The following CD8B2 variants were observed in gnomAD, a reference collection of about 807,000 sequenced individuals.
The protein encoded by CD8B2 is T-cell surface glycoprotein CD8 beta-2 chain.
Under a neutral mutation model 23.7 loss-of-function variants are expected in CD8B2, and 11 were observed. That is an observed-to-expected ratio of 0.46 (90% CI 0.29 to 0.77). CD8B2 has a LOEUF of 0.77. Ranked by LOEUF, CD8B2 falls within the 30% of genes least tolerant of loss-of-function variation. CD8B2 has a pLI of 0.09. For missense variants in CD8B2, 197 were observed against 270.5 expected (o/e 0.73, Z 1.91); for synonymous variants, 90 against 109.3 (o/e 0.82, Z 1.10).
At chr2:106,533,403 T>C (rs1303136245) in intron 5 of CD8B2, among the ~76,000 whole-genome samples, 3 of 152,202 alleles carry the variant, frequency 2.0e-5, no homozygotes, top group Non-Finnish European at 4.4e-5. Flanking sequence ...TTAAAAGCAG[T>C]TGAGTTCACA....
At chr2:106,492,355 A>G (rs1038939193) in intron 2 of CD8B2, among the ~76,000 whole-genome samples, 6 of 152,228 alleles carry the variant, frequency 3.9e-5, no homozygotes, top group African/African-American at 1.4e-4. Flanking sequence ...AATTAATTTA[A>G]ATAATGTTAT....
chr2:106,527,805 A>AC (rs1428715472), intron 5 of CD8B2, among the ~76,000 whole-genome samples: 6 of 59,462 alleles, frequency 1.0e-4, no homozygotes, highest in African/African-American at 2.5e-4. Context: ...AAACAAAACA[A>AC]AAAACAAACA....
intron 1 of CD8B2, among the ~76,000 whole-genome samples, chr2:106,488,905 A>T (rs974674037): frequency 1.3e-5 from 2 of 152,088 alleles, no homozygotes; most frequent in African/African-American, 4.8e-5. Context: ...CTCTGCTGGA[A>T]CGGCAGTGTG....
At chr2:106,490,271 CTTGAGT>C (rs548241962) in intron 1 of CD8B2, among the ~76,000 whole-genome samples, 1 of 152,192 alleles carries the variant, frequency 6.6e-6, no homozygotes, top group East Asian at 1.9e-4. Context: ...ACTTCAAATC[CTTGAGT>C]TTGACTCCTA....
rs2104561823 is a variant in CD8B2 at position 106,509,049 on chromosome 2, GCCTTAGATGCCCTGCC to G, written c.*2112_*2127del. 1.3e-5 allele frequency: 2 copies of G among 151,134 alleles called. No individual in the cohort carries two copies. The highest frequency in any genetic ancestry group is 2.0e-4 in the East Asian group (1 of 5,092). The allele number at this position is 151,134 out of a possible 1,614,324, so 9.4% of individuals were successfully genotyped here. The stretch of plus-strand genomic sequence containing the variant: ...TTTCTCCTTCATTCAGCACGAATTG[GCCTTAGATGCCCTGCC>G]CCCAGACCCAGGTGTTTTCCATTTG... On this transcript the variant is annotated 3_prime_UTR_variant, in exon 6 of 6. Transcript: ENST00000643224.
chr2:106,542,107 C>A (rs909351874), intron 5 of CD8B2, among the ~76,000 whole-genome samples: 8 of 152,250 alleles, frequency 5.3e-5, no homozygotes, highest in African/African-American at 1.9e-4. Context: ...CTGGTCAATT[C>A]TTACTTAACC....
intron 5 of CD8B2, among the ~76,000 whole-genome samples, chr2:106,517,916 G>A (rs1679757161): frequency 6.6e-6 from 1 of 151,974 alleles, no homozygotes; most frequent in Non-Finnish European, 1.5e-5. Context: ...GGGTTTCACC[G>A]TGTTAGCCAG....
intron 5 of CD8B2, among the ~76,000 whole-genome samples, chr2:106,518,465 GGAAGAT>G (rs1186998397): frequency 6.6e-6 from 1 of 152,118 alleles, no homozygotes; most frequent in Non-Finnish European, 1.5e-5. Flanking sequence ...TCTGAGCCCT[GGAAGAT>G]GAACTTTCTT....
chr2:106,543,208 G>A (rs1273037026), intron 5 of CD8B2: 1 of 152,200 alleles, frequency 6.6e-6, no homozygotes, highest in Non-Finnish European at 1.5e-5. Context: ...AGTCCTGCAA[G>A]TGAGGCTTAG....
At chr2:106,523,567 G>C (rs2104569693) in intron 5 of CD8B2, among the ~76,000 whole-genome samples, 1 of 152,282 alleles carries the variant, frequency 6.6e-6, no homozygotes, top group Admixed American at 6.5e-5. Context: ...TGCACTGGGG[G>C]GCAATGTTTG....
At chr2:106,520,584 G>A (rs1054711941) in intron 5 of CD8B2, among the ~76,000 whole-genome samples, 6 of 152,196 alleles carry the variant, frequency 3.9e-5, no homozygotes, top group Non-Finnish European at 8.8e-5. Flanking sequence ...ACACACACAA[G>A]GAGTGAGTTT....
chr2:106,514,391 G>A (rs1010511303), downstream of CD8B2, among the ~76,000 whole-genome samples: 14 of 151,012 alleles, frequency 9.3e-5, no homozygotes, highest in African/African-American at 2.4e-5. Flanking sequence ...GGGTTCAAGC[G>A]ATTCTCCTGC....
At chr2:106,535,174 A>G (rs1573352391) in intron 5 of CD8B2, 1 of 152,346 alleles carries the variant, frequency 6.6e-6, no homozygotes, top group East Asian at 1.9e-4. Flanking sequence ...GGAAAAATCC[A>G]TGGCTTCCTC....
intron 5 of CD8B2, among the ~76,000 whole-genome samples, chr2:106,533,827 A>T (rs1317853704): frequency 6.6e-6 from 1 of 152,154 alleles, no homozygotes; most frequent in East Asian, 1.9e-4. Flanking sequence ...GGGAGAAGGG[A>T]TGTTCCCCAA....
At chr2:106,526,614 C>T (rs545851693) in intron 5 of CD8B2, among the ~76,000 whole-genome samples, 2 of 152,170 alleles carry the variant, frequency 1.3e-5, no homozygotes, top group African/African-American at 2.4e-5. Context: ...TTTTTATTGT[C>T]AACTAGTATA....
chr2:106,535,260 A>C (rs556864643), intron 5 of CD8B2: 61 of 152,314 alleles, frequency 4.0e-4, no homozygotes, highest in African/African-American at 1.4e-3. Flanking sequence ...GGCATGTCAG[A>C]CACTGCAACA....
intron 5 of CD8B2, among the ~76,000 whole-genome samples, chr2:106,505,523 T>C (rs375643127): frequency 0.032 from 4,831 of 152,286 alleles, 96 homozygotes; most frequent in African/African-American, 0.039. Context: ...CCAGGACCCC[T>C]GAGTCAGAGC....
At chr2:106,515,057 T>A (rs1212959567), downstream of CD8B2, among the ~76,000 whole-genome samples, 1 of 152,230 alleles carries the variant, frequency 6.6e-6, no homozygotes, top group East Asian at 1.9e-4. Flanking sequence ...CCCAGTCCAC[T>A]GACTCAGATG....
chr2:106,513,894 G>T (rs7567798), downstream of CD8B2, among the ~76,000 whole-genome samples: 137,276 of 152,112 alleles, frequency 0.9, 62,040 homozygotes, highest in Non-Finnish European at 0.91. Context: ...CTACCCTGCA[G>T]CCACACTGAT....
Sources: gnomAD v4.1 joint callset for allele counts (sites outside exome capture counted in the v4.1 genomes callset) on GRCh38, gnomAD v4.1.1 for gene constraint, MANE v1.5 for transcripts, NCBI Gene and HGNC (gene_info 2026-07-23, HGNC 2026-07-21) for gene names.